Variants in SLC45A2 observed in about 807,000 individuals in gnomAD.
SLC45A2 encodes the protein solute carrier family 45 member 2.
Under a neutral mutation model 45.5 loss-of-function variants are expected in SLC45A2, and 36 were observed. The observed-to-expected ratio is 0.79, with a 90% CI of 0.61 to 1.04. The LOEUF is 1.04. Among genes scored for constraint, SLC45A2 ranks in the 50% least tolerant of loss-of-function variants. SLC45A2 has a pLI of 0.00. For missense variants in SLC45A2, 719 were observed against 671.0 expected (o/e 1.07, Z -0.79); for synonymous variants, 306 against 269.3 (o/e 1.14, Z -1.33).
chr5:33,978,083 A>G (rs181832), intron 2 of SLC45A2, among the ~76,000 whole-genome samples: 19,309 of 152,186 alleles, frequency 0.13, 2,754 homozygotes, highest in African/African-American at 0.35. Flanking sequence ...CTTGGCCAAG[A>G]GGATCCCAAA....
rs575102773 is a variant in SLC45A2, at chr5:33,955,187, G to T, written c.889-683C>A. Among the ~76,000 whole-genome samples the T allele has an allele frequency of 3.9e-5, 6 of 152,278 alleles. No homozygotes were observed. The South Asian group carries it at 1.2e-3, about 32-fold the overall frequency. On this transcript the variant is annotated intron_variant, in intron 3 of 6. Transcript: ENST00000296589. ...GAGGAAGCCACTTGAAAGGACCTGA[G>T]AGTGACATTTAGGGGCTGAGAGCAA...
intron 4 of SLC45A2, among the ~76,000 whole-genome samples, chr5:33,952,727 T>G (rs1453997589): frequency 7.1e-6 from 1 of 141,588 alleles, no homozygotes; most frequent in Non-Finnish European, 1.5e-5. Context: ...AGTTTTAGGG[T>G]ACATGTGCAC....
chr5:33,973,540 C>T (rs1164735345), intron 2 of SLC45A2, among the ~76,000 whole-genome samples: 3 of 152,214 alleles, frequency 2.0e-5, no homozygotes, highest in Non-Finnish European at 4.4e-5. Flanking sequence ...GTCAAAGAGT[C>T]TCTTGTTTCA....
intron 2 of SLC45A2, chr5:33,971,894 T>C: frequency 2.9e-6 from 1 of 343,234 alleles, no homozygotes; most frequent in Non-Finnish European, 5.8e-6. Context: ...CCCAAAGTAC[T>C]GGGATTACAG....
chr5:33,984,175 G>T (rs1753166202), intron 1 of SLC45A2, 24 bp downstream of exon 1: 1 of 1,613,354 alleles, frequency 6.2e-7, no homozygotes, highest in East Asian at 2.2e-5. Context: ...ATCCCTGTCT[G>T]CCCACCTTGT....
At chr5:33,966,621 T>C (rs1477894917) in intron 2 of SLC45A2, among the ~76,000 whole-genome samples, 1 of 151,942 alleles carries the variant, frequency 6.6e-6, no homozygotes, top group Non-Finnish European at 1.5e-5. Context: ...AAAACAGTAA[T>C]AAATGATAAG....
chr5:33,954,501 G>C lies in SLC45A2; in HGVS notation c.892C>G (p.Arg298Gly). 1.2e-6 allele frequency: 2 copies of C among 1,613,798 alleles called. No individual in the cohort carries two copies. The highest frequency in any genetic ancestry group is 1.7e-6 in the Non-Finnish European group (2 of 1,179,962). ...AGTGACTTTAATGTCATTGCCCTGC[G>C]AGTCTGAAATAAAACATGAAACAGA... ...AKNKNHAEQT[R>G]RAMTLKSLLR... The change falls in exon 4 of 7, where the codon CGC (arginine) becomes GGC (glycine). Residue 298 changes from arginine (R) to glycine (G), a missense_variant. Arg to Gly is a moderately radical substitution (Grantham distance 125). Transcript: ENST00000296589.
chr5:33,951,455 G>A, intron 5 of SLC45A2, 99 bp downstream of exon 5: 4 of 1,605,244 alleles, frequency 2.5e-6, no homozygotes, highest in Non-Finnish European at 3.4e-6. Flanking sequence ...TAAGAATCTG[G>A]TATTTTAAAC....
chr5:33,974,978 G>T (rs78596925), intron 2 of SLC45A2, among the ~76,000 whole-genome samples: 1 of 150,020 alleles, frequency 6.7e-6, no homozygotes, highest in South Asian at 2.1e-4. Context: ...GAATAATGTC[G>T]ATTGTCATTG....
At chr5:33,959,734 T>C (rs1320311201) in intron 3 of SLC45A2, among the ~76,000 whole-genome samples, 2 of 152,186 alleles carry the variant, frequency 1.3e-5, no homozygotes, top group African/African-American at 4.8e-5. Flanking sequence ...GTCATGTTTA[T>C]AGAATGAGGC....
intron 2 of SLC45A2, 148 bp downstream of exon 2, chr5:33,982,088 C>T (rs1368935422): frequency 1.5e-5 from 13 of 857,186 alleles, no homozygotes; most frequent in South Asian, 1.4e-4. Flanking sequence ...GAGAAATGCA[C>T]GGGGAGACAG....
intron 2 of SLC45A2, among the ~76,000 whole-genome samples, chr5:33,972,784 T>C (rs2111988825): frequency 6.6e-6 from 1 of 152,268 alleles, no homozygotes; most frequent in South Asian, 2.1e-4. Flanking sequence ...TAATCCAACT[T>C]TTAGGACTGA....
At chr5:33,977,889 A>C (rs1388666128) in intron 2 of SLC45A2, among the ~76,000 whole-genome samples, 1 of 152,232 alleles carries the variant, frequency 6.6e-6, no homozygotes, top group Non-Finnish European at 1.5e-5. Context: ...ATAGGGAGCC[A>C]CTGAAGCTCA....
intron 2 of SLC45A2, among the ~76,000 whole-genome samples, chr5:33,980,472 A>T (rs1753044253): frequency 6.6e-6 from 1 of 152,238 alleles, no homozygotes; most frequent in Non-Finnish European, 1.5e-5. Context: ...GAAAAATGGG[A>T]ATCACACCAC....
At chr5:33,947,477 T>A in intron 5 of SLC45A2, 103 bp from the exon 6 acceptor site, 1 of 1,090,750 alleles carries the variant, frequency 9.2e-7, no homozygotes. Context: ...TTAGACATCC[T>A]TTGATACTGA....
intron 3 of SLC45A2, among the ~76,000 whole-genome samples, chr5:33,956,589 C>T (rs1422871816): frequency 6.6e-6 from 1 of 152,112 alleles, no homozygotes; most frequent in African/African-American, 2.4e-5. Flanking sequence ...AAAGCTTCAC[C>T]AGGAAGTCTT....
In SLC45A2 at chr5:33,951,640, G is replaced by A; in HGVS notation, c.1070C>T (p.Ser357Phe). 6.2e-7 allele frequency: 1 copy of A among 1,614,196 alleles called. No individual in the cohort carries two copies. The highest frequency in any genetic ancestry group is 8.5e-7 in the Non-Finnish European group (1 of 1,180,032). ...YRGDPYSAHN[S>F]TEFLIYERGV... is the part of the protein sequence containing the mutation. ...TCTTTCGTAGATGAGAAACTCTGTGGAGTTGTGTGCACTATAGGGATCCCC... is the reference window on the plus strand; with the variant it reads ...TCTTTCGTAGATGAGAAACTCTGTGAAGTTGTGTGCACTATAGGGATCCCC... The change falls in exon 5 of 7, where the codon TCC (serine) becomes TTC (phenylalanine). Residue 357 changes from serine (S) to phenylalanine (F), a missense_variant. Physicochemically the swap from Ser to Phe is radical, Grantham distance 155. Coordinates refer to ENST00000296589, the MANE Select transcript of SLC45A2 (RefSeq NM_016180.5).
At chr5:33,948,842 C>A (rs1037133100) in intron 5 of SLC45A2, among the ~76,000 whole-genome samples, 5 of 152,142 alleles carry the variant, frequency 3.3e-5, no homozygotes, top group Non-Finnish European at 7.3e-5. Flanking sequence ...CAAAGTAGGG[C>A]AAAGAGGTAT....
At chr5:33,973,535 A>G (rs1752843381) in intron 2 of SLC45A2, among the ~76,000 whole-genome samples, 1 of 152,242 alleles carries the variant, frequency 6.6e-6, no homozygotes, top group Non-Finnish European at 1.5e-5. Context: ...GTTTAGTCAA[A>G]GAGTCTCTTG....
Sources: allele counts gnomAD v4.1 joint callset (sites outside exome capture counted in the v4.1 genomes callset), GRCh38; gene constraint gnomAD v4.1.1; transcripts MANE v1.5; gene names NCBI Gene and HGNC (gene_info 2026-07-23, HGNC 2026-07-21).